GALNT13: variants seen among roughly 807,000 people sequenced by gnomAD.
GALNT13 encodes the protein polypeptide N-acetylgalactosaminyltransferase 13.
GALNT13 carries 28 observed loss-of-function variants against 64.2 expected under a neutral mutation model. That is an observed-to-expected ratio of 0.44 (90% confidence interval 0.32 to 0.60). GALNT13 has a LOEUF of 0.60. Ranked by LOEUF, GALNT13 falls within the 20% of genes least tolerant of loss-of-function variation. GALNT13 has a pLI of 0.05. For missense variants in GALNT13, 577 were observed against 669.8 expected (o/e 0.86, Z 1.53); for synonymous variants, 214 against 224.6 (o/e 0.95, Z 0.42).
At chr2:153,960,156 C>A (rs1519207) in intron 3 of GALNT13, among the ~76,000 whole-genome samples, 8,505 of 152,312 alleles carry the variant, frequency 0.056, 346 homozygotes, top group South Asian at 0.11. Context: ...TGCTGCCTCT[C>A]CGATCCTCAG....
In GALNT13 at chr2:154,450,422, G is replaced by A. The variant is rs1461040297; in HGVS notation, c.1542G>A (p.Leu514=). 6.2e-7 allele frequency: 1 copy of A among 1,610,764 alleles called. No homozygotes were observed. Among genetic ancestry groups the A allele is most frequent in the African/African-American group, 1.3e-5 (1 of 74,732 alleles). Residue 514 remains leucine (L), a synonymous_variant, in exon 13 of 13, where the codon TTG becomes TTA. Transcript: ENST00000392825. ...LWEYDAERLT[L]RHVNSNQCLD... is the part of the protein sequence containing the mutation. ...GTTATCTTTTACAGAGACTCACGTTGCGACATGTTAACAGTAACCAATGTC... is the reference window on the plus strand; with the variant it reads ...GTTATCTTTTACAGAGACTCACGTTACGACATGTTAACAGTAACCAATGTC...
the GALNT13 span, among the ~76,000 whole-genome samples, chr2:153,533,723 C>CTTTTTTTTTTTTTTT: frequency 4.1e-3 from 199 of 48,680 alleles, 35 homozygotes; most frequent in African/African-American, 0.01. Context: ...TGAGGTTTTT[C>CTTTTTTTTTTTTTTT]TTTTTTTTTT....
At chr2:154,281,853 C>T (rs1321170630) in intron 8 of GALNT13, among the ~76,000 whole-genome samples, 1 of 151,910 alleles carries the variant, frequency 6.6e-6, no homozygotes, top group African/African-American at 2.4e-5. Context: ...CCTCAAAAGT[C>T]AGTTGCTAGG....
the GALNT13 span, among the ~76,000 whole-genome samples, chr2:153,805,105 A>T: frequency 2.9e-3 from 443 of 152,062 alleles, 2 homozygotes; most frequent in Non-Finnish European, 4.8e-3. Flanking sequence ...AATGTAAATT[A>T]TGAAACAGAA....
rs117402801 is a variant in GALNT13, at chr2:154,064,552, G to T, written c.143-75785G>T. On this transcript the variant is annotated intron_variant, in intron 3 of 12. Transcript: ENST00000392825. ...TTGGATACCAGCTCAGCCAGAGTAG[G>T]CTACAGCACTGGGCAGAGTCATGAT... 9.9e-5 allele frequency among the ~76,000 whole-genome samples: 15 copies of T among 152,180 alleles called. No homozygotes were observed. The East Asian group carries it at 2.9e-3, about 30-fold the overall frequency.
At chr2:153,717,599 C>G in the GALNT13 span, among the ~76,000 whole-genome samples, 1 of 152,110 alleles carries the variant, frequency 6.6e-6, no homozygotes, top group Admixed American at 6.5e-5. Flanking sequence ...AAATTGCGTT[C>G]TTGTATTTTA....
At position 154,262,006 on chromosome 2, in the gene GALNT13, A is replaced by G. The variant is rs560012535; in HGVS notation, c.975+2868A>G. The stretch of plus-strand genomic sequence containing the variant: ...CATTGCAAAGACTTATTTGTAACAT[A>G]TCACTTGATCGCTGTACTTAAAGAC... On this transcript the variant is annotated intron_variant, in intron 8 of 12. Coordinates refer to ENST00000392825, the MANE Select transcript of GALNT13 (RefSeq NM_052917.4). Among the ~76,000 whole-genome samples, 8 of 152,298 alleles carry G rather than the reference A, an allele frequency of 5.3e-5. No homozygotes were observed. In the East Asian group the frequency reaches 1.5e-3, roughly 29 times the overall value.
At chr2:154,425,958 C>A (rs2105436237) in intron 11 of GALNT13, among the ~76,000 whole-genome samples, 1 of 152,282 alleles carries the variant, frequency 6.6e-6, no homozygotes, top group African/African-American at 2.4e-5. Flanking sequence ...TATTAGTTTT[C>A]TATTGTTTCA....
the GALNT13 span, among the ~76,000 whole-genome samples, chr2:153,405,550 C>T: frequency 6.6e-6 from 1 of 152,144 alleles, no homozygotes; most frequent in Non-Finnish European, 1.5e-5. Context: ...ACGCAATTAT[C>T]ATTGAGACAA....
chr2:154,338,648 A>C (rs374688108), intron 9 of GALNT13, among the ~76,000 whole-genome samples: 116 of 152,248 alleles, frequency 7.6e-4, no homozygotes, highest in African/African-American at 2.6e-3. Flanking sequence ...TTCCATGAGA[A>C]GAAATGAGCA....
chr2:153,958,775 A>T (rs1692745216), intron 3 of GALNT13, among the ~76,000 whole-genome samples: 1 of 152,222 alleles, frequency 6.6e-6, no homozygotes, highest in African/African-American at 2.4e-5. Context: ...CCACAGAGAG[A>T]GGGTTACACA....
the GALNT13 span, among the ~76,000 whole-genome samples, chr2:153,074,996 G>C: frequency 6.6e-6 from 1 of 152,278 alleles, no homozygotes; most frequent in South Asian, 2.1e-4. Context: ...GCCTCCCAAA[G>C]TGCTGGGATT....
chr2:154,189,461 C>T (rs1242879500), intron 4 of GALNT13, among the ~76,000 whole-genome samples: 1 of 125,028 alleles, frequency 8.0e-6, no homozygotes, highest in African/African-American at 3.2e-5. Context: ...TCTCTCTTCT[C>T]ACGTGCACAC....
chr2:153,914,682 A>G (rs1689207140), intron 2 of GALNT13, among the ~76,000 whole-genome samples: 1 of 152,004 alleles, frequency 6.6e-6, no homozygotes, highest in South Asian at 2.1e-4. Context: ...TATCTCTTTT[A>G]CTTTCTTATC....
At chr2:154,051,447 C>T (rs369012132) in intron 3 of GALNT13, among the ~76,000 whole-genome samples, 3 of 151,162 alleles carry the variant, frequency 2.0e-5, no homozygotes, top group South Asian at 4.2e-4. Flanking sequence ...CCCGCCACCG[C>T]GCCCGGCTAA....
intron 1 of GALNT13, among the ~76,000 whole-genome samples, chr2:153,877,869 G>A (rs2105228559): frequency 6.6e-6 from 1 of 152,286 alleles, no homozygotes; most frequent in African/African-American, 2.4e-5. Context: ...ACTGTGGTAA[G>A]TAAACATCTG....
chr2:153,692,529 G>A, the GALNT13 span, among the ~76,000 whole-genome samples: 1 of 152,116 alleles, frequency 6.6e-6, no homozygotes, highest in Non-Finnish European at 1.5e-5. Flanking sequence ...TCCAGTTGTT[G>A]CTATTTCCAG....
chr2:154,445,841 A>C, intron 12 of GALNT13: 2 of 1,288,476 alleles, frequency 1.6e-6, no homozygotes, highest in Non-Finnish European at 2.0e-6. Context: ...CGGAGCTTCA[A>C]GATGTAGGTG....
intron 8 of GALNT13, among the ~76,000 whole-genome samples, chr2:154,281,723 T>A (rs1691973178): frequency 6.6e-6 from 1 of 152,100 alleles, no homozygotes; most frequent in Non-Finnish European, 1.5e-5. Flanking sequence ...CATGCACATT[T>A]TGTTCTTAAA....
Sources: gnomAD v4.1 joint callset for allele counts (sites outside exome capture counted in the v4.1 genomes callset) on GRCh38, gnomAD v4.1.1 for gene constraint, MANE v1.5 for transcripts, NCBI Gene and HGNC (gene_info 2026-07-23, HGNC 2026-07-21) for gene names.